The following SAGE1 variants were observed in gnomAD, a reference collection of about 807,000 sequenced individuals.
SAGE1 encodes the protein sarcoma antigen 1.
A neutral mutation model predicts 55.4 loss-of-function variants in SAGE1; 55 were observed. That is an observed-to-expected ratio of 0.99 (90% CI 0.80 to 1.24). The LOEUF is 1.24. SAGE1 is among the 50% of genes most tolerant of loss of function. SAGE1 has a pLI of 0.00. For synonymous variants in SAGE1, 240 were observed against 244.3 expected, an observed-to-expected ratio of 0.98 and a Z score of 0.17; for missense variants, 710 against 704.4, an observed-to-expected ratio of 1.01 and a Z score of -0.09.
intron 15 of SAGE1, 48 bp from the exon 16 acceptor site, chrX:135,910,367 T>C: frequency 1.7e-6 from 2 of 1,192,101 alleles, no homozygotes. Context: ...GCCTGTGCGG[T>C]TGACATAATG....
intron 2 of SAGE1, among the ~76,000 whole-genome samples, chrX:135,900,975 T>A (rs2088665840): frequency 9.2e-6 from 1 of 108,848 alleles, no homozygotes; most frequent in Non-Finnish European, 1.9e-5. Flanking sequence ...TGAAACCCCA[T>A]CTCTACTAAA....
intron 6 of SAGE1, 66 bp downstream of exon 6, chrX:135,906,230 G>A: frequency 8.9e-7 from 1 of 1,118,698 alleles, no homozygotes; most frequent in Non-Finnish European, 1.2e-6. Flanking sequence ...GCCATGAAGG[G>A]AGTTAGGTGG....
At position 135,912,838 on chromosome X, in the gene SAGE1, C is replaced by T. The variant is rs1288158210; in HGVS notation, c.2656C>T (p.Leu886Phe). Residue 886 changes from leucine to phenylalanine, a missense_variant, in exon 20 of 20, where the codon CTT (leucine) becomes TTT (phenylalanine). Physicochemically the swap from Leu to Phe is conservative, Grantham distance 22. Coordinates refer to ENST00000370709, the MANE Select transcript of SAGE1 (RefSeq NM_001381902.1). ...VVLIQQLEKA[L>F]KEIDSHCHLR... ...CTTAATTCAGCAACTCGAGAAGGCG[C>T]TTAAAGAAATAGATTCCCACTGCCA... 2 of 1,208,314 alleles carry T rather than the reference C, an allele frequency of 1.7e-6. No homozygotes were observed. The highest frequency in any genetic ancestry group is 2.2e-6 in the Non-Finnish European group (2 of 894,330).
At chrX:135,896,204 C>G in intron 1 of SAGE1, 39 bp from the exon 2 acceptor site, 1 of 983,879 alleles carries the variant, frequency 1.0e-6, no homozygotes, top group South Asian at 1.9e-5. Flanking sequence ...TCAAAGTGTT[C>G]TAGTAACACA....
chrX:135,896,803 G>T (rs1327749763), intron 2 of SAGE1, among the ~76,000 whole-genome samples: 1 of 110,457 alleles, frequency 9.1e-6, no homozygotes, highest in Non-Finnish European at 1.9e-5. Context: ...CAGGTGATCC[G>T]CCCACCTCGC....
At position 135,894,158 on chromosome X, in the gene SAGE1, C is replaced by T. The variant is rs1471057976; in HGVS notation, c.-1+377C>T. Among the ~76,000 whole-genome samples the T allele has an allele frequency of 2.7e-5, 3 of 111,998 alleles. No individual in the cohort carries two copies. The South Asian group carries it at 1.1e-3, about 42-fold the overall frequency. On this transcript the variant is annotated intron_variant, in intron 1 of 19. Coordinates refer to ENST00000370709, the MANE Select transcript of SAGE1 (RefSeq NM_001381902.1). ...GCATGATCTTGGCTCACCCAACCTC[C>T]GCCTCCCGGGTTCAAGTGATTCTCC...
intron 10 of SAGE1, 42 bp downstream of exon 10, chrX:135,907,883 T>C: frequency 8.8e-7 from 1 of 1,140,094 alleles, no homozygotes; most frequent in Non-Finnish European, 1.2e-6. Context: ...TTGGTTTCCA[T>C]ATGCATGCAT....
In SAGE1 at chrX:135,912,366, T is replaced by C; in HGVS notation, c.2567T>C (p.Met856Thr). The C allele has an allele frequency of 1.7e-6, 2 of 1,204,457 alleles. No individual in the cohort carries two copies. Among genetic ancestry groups the C allele is most frequent in the Non-Finnish European group, 2.2e-6 (2 of 893,191 alleles). Residue 856 changes from methionine to threonine, a missense_variant, in exon 19 of 20, where the codon ATG becomes ACG. Physicochemically the swap from Met to Thr is moderately conservative, Grantham distance 81. Transcript: ENST00000370709. ...TTGCTTGAAGAGGTACAAGGATCTA[T>C]GAAAGTCAAGAGACAATTTGTTGAA... ...FILLEEVQGS[M>T]KVKRQFVEFT...
intron 8 of SAGE1, 88 bp downstream of exon 8, chrX:135,907,154 C>A: frequency 9.3e-7 from 1 of 1,076,674 alleles, no homozygotes; most frequent in Non-Finnish European, 1.3e-6. Flanking sequence ...TTTGTTGTAT[C>A]ATCTATCTTG....
chrX:135,900,345 A>G (rs1556595748), intron 2 of SAGE1, among the ~76,000 whole-genome samples: 1 of 111,843 alleles, frequency 8.9e-6, no homozygotes, highest in South Asian at 3.8e-4. Context: ...GATGAAGCCA[A>G]CTTGATCATG....
chrX:135,909,578 T>C lies in SAGE1; in HGVS notation c.1583-61T>C, dbSNP rs782490538. 1.3e-4 allele frequency: 135 copies of C among 1,055,484 alleles called. No homozygotes were observed. In the South Asian group the frequency reaches 2.4e-3, roughly 19 times the overall value. The allele number at this position is 1,055,484 out of a possible 1,213,427, so 87.0% of individuals were successfully genotyped here. A position where few individuals can be genotyped will look rare whatever the true frequency, so the allele number is the denominator to read the frequency against. On this transcript the variant is annotated intron_variant, in intron 13 of 19. Transcript: ENST00000370709. ...TTACAAACTGAACATCAGAGGGATA[T>C]ACCTGTGGTATTGACATAATGCACT...
At chrX:135,907,232 A>C (rs2088812079) in intron 8 of SAGE1, 81 bp from the exon 9 acceptor site, 1 of 1,093,943 alleles carries the variant, frequency 9.1e-7, no homozygotes, top group Non-Finnish European at 1.2e-6. Context: ...AATTTCTTAG[A>C]AGCTGAGCAT....
chrX:135,911,315 G>T lies in SAGE1; in HGVS notation c.2129G>T (p.Arg710Ile). 1 of 1,206,259 alleles carries T rather than the reference G, an allele frequency of 8.3e-7. No homozygotes were observed. The highest frequency in any genetic ancestry group is 1.1e-6 in the Non-Finnish European group (1 of 892,730). The change falls in exon 17 of 20, where the codon AGA becomes ATA. Residue 710 changes from arginine (R) to isoleucine (I), a missense_variant. By Grantham distance (97) the Arg-to-Ile change is moderately conservative (BLOSUM62 -3). Coordinates refer to ENST00000370709, the MANE Select transcript of SAGE1 (RefSeq NM_001381902.1). ...CTGTCAGGAGCTGGTATTTCATGCA[G>T]AAGTACCAGGGATCTGTGTATGTTT... Reference protein sequence around the residue: ...INLSGAGISCRSTRDLYATVI... With the variant: ...INLSGAGISCISTRDLYATVI...
intron 2 of SAGE1, among the ~76,000 whole-genome samples, chrX:135,901,217 G>A (rs1438940659): frequency 3.7e-5 from 4 of 108,075 alleles, no homozygotes; most frequent in African/African-American, 1.4e-4. Flanking sequence ...AACAAGGGCT[G>A]AGACAAAATG....
chrX:135,909,031 C>T, intron 13 of SAGE1, 27 bp downstream of exon 13: 1 of 1,175,879 alleles, frequency 8.5e-7, no homozygotes, highest in Non-Finnish European at 1.2e-6. Context: ...GTTGTACTGT[C>T]ATACTTGGTT....
intron 2 of SAGE1, among the ~76,000 whole-genome samples, chrX:135,901,151 A>G (rs1199990931): frequency 2.8e-5 from 3 of 109,026 alleles, no homozygotes; most frequent in Non-Finnish European, 5.7e-5. Context: ...TAAAAAAAAA[A>G]AAAAAAAAAA....
Position 135,908,806 on chromosome X carries a change from C to T in SAGE1, c.1442-58C>T, listed in dbSNP as rs782610231. On this transcript the variant is annotated intron_variant, in intron 12 of 19. Transcript: ENST00000370709. ...AAAATTCATCATCAGTGGGATATATCGGTGGGGTTGACATAATGCACGTAC... is the reference window on the plus strand; with the variant it reads ...AAAATTCATCATCAGTGGGATATATTGGTGGGGTTGACATAATGCACGTAC... The T allele has an allele frequency of 1.3e-4, 154 of 1,162,814 alleles. No individual in the cohort carries two copies. In the East Asian group the frequency reaches 4.3e-3, roughly 32 times the overall value.
chrX:135,899,424 C>T (rs371443680), intron 2 of SAGE1, among the ~76,000 whole-genome samples: 7 of 111,964 alleles, frequency 6.3e-5, no homozygotes, highest in African/African-American at 1.9e-4. Flanking sequence ...AGTTAGGTAG[C>T]GTGATGCCTC....
At chrX:135,894,273 T>G (rs1194883787) in intron 1 of SAGE1, among the ~76,000 whole-genome samples, 2 of 112,199 alleles carry the variant, frequency 1.8e-5, no homozygotes, top group African/African-American at 6.5e-5. Context: ...AGTTTCTCCA[T>G]GTTTGTCAGG....
Sources: gnomAD v4.1 joint callset for allele counts (sites outside exome capture counted in the v4.1 genomes callset) on GRCh38, gnomAD v4.1.1 for gene constraint, MANE v1.5 for transcripts, NCBI Gene and HGNC (gene_info 2026-07-23, HGNC 2026-07-21) for gene names.